Variants in CCL17 observed in about 807,000 individuals in gnomAD.
CCL17 encodes the protein C-C motif chemokine 17.
In CCL17, 8 loss-of-function variants were observed where a neutral mutation model predicts 7.4. The ratio of observed to expected loss-of-function variants is 1.09; its 90% confidence interval spans 0.64 to 1.96. CCL17 has a LOEUF of 1.96. Ranked by LOEUF, CCL17 falls within the 30% of genes most tolerant of loss-of-function variation. CCL17 has a pLI of 0.00. For missense variants in CCL17, 102 were observed against 113.0 expected (o/e 0.90, Z 0.44); for synonymous variants, 40 against 46.1 (o/e 0.87, Z 0.54).
the CCL17 span, among the ~76,000 whole-genome samples, chr16:57,398,342 G>C: frequency 1.3e-5 from 2 of 152,194 alleles, no homozygotes; most frequent in Non-Finnish European, 2.9e-5. Context: ...TCGAGTCTGA[G>C]TAAGGACTCC....
At chr16:57,402,477 C>T (rs1289547033), upstream of CCL17, among the ~76,000 whole-genome samples, 8 of 152,210 alleles carry the variant, frequency 5.3e-5, no homozygotes, top group South Asian at 2.1e-4. Context: ...CCCACCCCGA[C>T]TGCAGGCAGG....
chr16:57,396,774 G>T, the CCL17 span, among the ~76,000 whole-genome samples: 1 of 151,712 alleles, frequency 6.6e-6, no homozygotes, highest in Admixed American at 6.6e-5. Flanking sequence ...GTTGTAGGGT[G>T]TAATTACACT....
chr16:57,399,546 G>A, the CCL17 span, among the ~76,000 whole-genome samples: 1 of 152,142 alleles, frequency 6.6e-6, no homozygotes, highest in Admixed American at 6.5e-5. Context: ...TGCCTCCTAG[G>A]TTCAAGCGAT....
upstream of CCL17, among the ~76,000 whole-genome samples, chr16:57,403,429 T>G (rs1902630767): frequency 5.9e-5 from 1 of 16,974 alleles, no homozygotes; most frequent in Non-Finnish European, 8.0e-5. Flanking sequence ...TATTATAATA[T>G]ATATTATAAT....
At chr16:57,410,938 G>A (rs1440746979) in intron 1 of CCL17, among the ~76,000 whole-genome samples, 3 of 152,180 alleles carry the variant, frequency 2.0e-5, no homozygotes, top group Middle Eastern at 3.2e-3. Context: ...GCCAGTCCTC[G>A]TGTGACTGGC....
upstream of CCL17, among the ~76,000 whole-genome samples, chr16:57,403,711 T>C (rs531420923): frequency 1.1e-3 from 139 of 127,430 alleles, no homozygotes; most frequent in Middle Eastern, 7.5e-3. Context: ...GGCTGGAGTG[T>C]AGTGGTGTGA....
At chr16:57,402,091 C>G (rs1423560347), upstream of CCL17, among the ~76,000 whole-genome samples, 1 of 152,244 alleles carries the variant, frequency 6.6e-6, no homozygotes, top group East Asian at 1.9e-4. Context: ...GGGACAGCCA[C>G]AGCTCAGAGG....
chr16:57,407,725 T>TCATCCATCCCTCCATC (rs1902717816), intron 1 of CCL17, among the ~76,000 whole-genome samples: 1 of 151,686 alleles, frequency 6.6e-6, no homozygotes, highest in Admixed American at 6.6e-5. Flanking sequence ...ATCAACCCAT[T>TCATCCATCCCTCCATC]CATCCATCCT....
intron 1 of CCL17, 149 bp from the exon 2 acceptor site, chr16:57,413,725 C>A: frequency 2.1e-6 from 1 of 472,004 alleles, no homozygotes; most frequent in East Asian, 3.1e-5. Context: ...TGGAAATCCA[C>A]AAACATTCCA....
chr16:57,398,424 C>T, the CCL17 span, among the ~76,000 whole-genome samples: 1 of 152,292 alleles, frequency 6.6e-6, no homozygotes, highest in South Asian at 2.1e-4. Context: ...AAGGCTGGAG[C>T]TTGTACTAGG....
At chr16:57,407,493 G>T (rs1459338026) in intron 1 of CCL17, among the ~76,000 whole-genome samples, 1 of 152,078 alleles carries the variant, frequency 6.6e-6, no homozygotes, top group Non-Finnish European at 1.5e-5. Flanking sequence ...ATGTGAGTTG[G>T]GCCCATGTTG....
At chr16:57,404,672 T>A (rs1210030767), upstream of CCL17, 1 of 153,486 alleles carries the variant, frequency 6.5e-6, no homozygotes, top group Non-Finnish European at 1.5e-5. Context: ...ACGTGTACTA[T>A]TTGCCAGATA....
At chr16:57,403,484 AATAAT>A (rs1313728388), upstream of CCL17, among the ~76,000 whole-genome samples, 2 of 1,978 alleles carry the variant, frequency 1.0e-3, 1 homozygote, top group Non-Finnish European at 3.2e-3. Flanking sequence ...TATATTATAT[AATAAT>A]ATATATATTA....
upstream of CCL17, among the ~76,000 whole-genome samples, chr16:57,402,446 C>G (rs1466069937): frequency 6.6e-6 from 1 of 152,096 alleles, no homozygotes; most frequent in Non-Finnish European, 1.5e-5. Flanking sequence ...CCCAGAGGGT[C>G]GAGTTTGGCA....
upstream of CCL17, among the ~76,000 whole-genome samples, chr16:57,403,220 AT>A (rs1240278266): frequency 1.1e-3 from 4 of 3,534 alleles, 1 homozygote; most frequent in African/African-American, 2.4e-3. Context: ...TATAATATAT[AT>A]TATTATCTAT....
chr16:57,409,381 T>C (rs1405179500), intron 1 of CCL17, among the ~76,000 whole-genome samples: 2 of 152,220 alleles, frequency 1.3e-5, no homozygotes, highest in Admixed American at 6.5e-5. Flanking sequence ...CAAAATGATA[T>C]AGTGGGTGAT....
At chr16:57,399,539 C>T in the CCL17 span, among the ~76,000 whole-genome samples, 6 of 152,148 alleles carry the variant, frequency 3.9e-5, no homozygotes, top group Non-Finnish European at 8.8e-5. Context: ...CAACCTCTGC[C>T]TCCTAGGTTC....
rs1438478202 is a variant in CCL17 at position 57,412,507 on chromosome 16, CG to C, written c.-59-1365del. Among the ~76,000 whole-genome samples the C allele has an allele frequency of 7.2e-5, 11 of 152,316 alleles. 1 individual carries two copies. The South Asian group carries it at 1.2e-3, about 17-fold the overall frequency. ...GAAACAAAAATCTCATGACAAATAG[CG>C]GCTGTTGCAGTTATCATGACAGTTA... On this transcript the variant is annotated intron_variant, in intron 1 of 3. Transcript: ENST00000219244.
chr16:57,399,710 A>G, the CCL17 span, among the ~76,000 whole-genome samples: 16 of 152,268 alleles, frequency 1.1e-4, no homozygotes, highest in South Asian at 2.9e-3. Flanking sequence ...TGGCCTCCCA[A>G]GTGTTGGTAT....
Sources: allele counts gnomAD v4.1 joint callset (sites outside exome capture counted in the v4.1 genomes callset), GRCh38; gene constraint gnomAD v4.1.1; transcripts MANE v1.5; gene names NCBI Gene and HGNC (gene_info 2026-07-23, HGNC 2026-07-21).